XRCC4: variants seen among roughly 807,000 people sequenced by gnomAD.
XRCC4 encodes DNA repair protein XRCC4.
A neutral mutation model predicts 39.1 loss-of-function variants in XRCC4; 28 were observed. That is an observed-to-expected ratio of 0.72 (90% CI 0.53 to 0.98). The LOEUF is 0.98. XRCC4 is among the 50% of genes least tolerant of loss of function. The pLI, the probability that XRCC4 is intolerant of heterozygous loss-of-function variation, is 0.00. For synonymous variants in XRCC4, 123 were observed against 126.4 expected, an observed-to-expected ratio of 0.97 and a Z score of 0.18; for missense variants, 350 against 376.4, an observed-to-expected ratio of 0.93 and a Z score of 0.58.
chr5:83,247,267 A>G (rs1193695), intron 6 of XRCC4, among the ~76,000 whole-genome samples: 57,866 of 152,020 alleles, frequency 0.38, 11,397 homozygotes, highest in Middle Eastern at 0.55. Flanking sequence ...TGATGCCTTC[A>G]TCCATATCTT....
At chr5:83,372,709 C>T in the XRCC4 span, among the ~76,000 whole-genome samples, 4 of 152,166 alleles carry the variant, frequency 2.6e-5, no homozygotes, top group African/African-American at 9.7e-5. Context: ...TCTCAATCTA[C>T]AGACATTAAA....
intron 7 of XRCC4, among the ~76,000 whole-genome samples, chr5:83,342,202 G>C (rs563601027): frequency 1.5e-4 from 23 of 152,262 alleles, no homozygotes; most frequent in African/African-American, 5.3e-4. Flanking sequence ...TCTGAATAAA[G>C]TACAGCTAGA....
Position 83,268,108 on chromosome 5 carries a change from T to C in XRCC4, c.893+9431T>C, listed in dbSNP as rs187172853. ...TGGCAGTGAAGATAGGAAGATACTC[T>C]AGTAGTAATCCAGGAAGAGTTACCT... On this transcript the variant is annotated intron_variant, in intron 7 of 7. Transcript: ENST00000396027. Among the ~76,000 whole-genome samples, 547 of 152,284 alleles carry C rather than the reference T, an allele frequency of 3.6e-3. 12 individuals are homozygous for C. In the East Asian group the frequency reaches 0.072, roughly 20 times the overall value.
intron 7 of XRCC4, among the ~76,000 whole-genome samples, chr5:83,308,699 A>G (rs909079203): frequency 6.6e-6 from 1 of 152,210 alleles, no homozygotes. Flanking sequence ...AAATTAAAAT[A>G]ACAGTGAATA....
intron 1 of XRCC4, among the ~76,000 whole-genome samples, chr5:83,102,708 C>A (rs976923581): frequency 2.6e-5 from 4 of 152,020 alleles, no homozygotes; most frequent in African/African-American, 9.7e-5. Context: ...ACAACAGCTC[C>A]TTATCTGGCA....
At position 83,120,978 on chromosome 5, in the gene XRCC4, ACT is replaced by A. The variant is rs574126069; in HGVS notation, c.315+9776_315+9777del. ...CTCTTCACTCAGTCCCCAGAAAACC[ACT>A]GATTAGATTTCTGTCATTATAGATT... On this transcript the variant is annotated intron_variant, in intron 3 of 7. Coordinates refer to ENST00000396027, the MANE Select transcript of XRCC4 (RefSeq NM_003401.5). 4.5e-3 allele frequency among the ~76,000 whole-genome samples: 678 copies of A among 152,188 alleles called. 3 individuals are homozygous for A. Among genetic ancestry groups the A allele is most frequent in the Middle Eastern group, 0.01 (3 of 294 alleles).
At chr5:83,173,961 G>C (rs988862525) in intron 3 of XRCC4, among the ~76,000 whole-genome samples, 1 of 152,056 alleles carries the variant, frequency 6.6e-6, no homozygotes, top group Non-Finnish European at 1.5e-5. Flanking sequence ...ATCCAATTTA[G>C]CAATACCTGG....
intron 3 of XRCC4, among the ~76,000 whole-genome samples, chr5:83,167,384 A>G (rs752268329): frequency 2.6e-5 from 4 of 152,306 alleles, no homozygotes; most frequent in Non-Finnish European, 5.9e-5. Flanking sequence ...GTTGCATGAG[A>G]TTCTGACAGT....
At chr5:83,371,359 C>G in the XRCC4 span, among the ~76,000 whole-genome samples, 2 of 152,200 alleles carry the variant, frequency 1.3e-5, no homozygotes, top group African/African-American at 4.8e-5. Flanking sequence ...TTATCTCAGA[C>G]TGTCAGTTTA....
intron 7 of XRCC4, among the ~76,000 whole-genome samples, chr5:83,291,351 C>T (rs1290081096): frequency 1.3e-5 from 2 of 151,700 alleles, no homozygotes; most frequent in African/African-American, 4.8e-5. Flanking sequence ...TTGTATAATT[C>T]TATGTCACAA....
chr5:83,245,194 T>C (rs918426847), intron 6 of XRCC4, among the ~76,000 whole-genome samples: 4 of 151,910 alleles, frequency 2.6e-5, no homozygotes, highest in East Asian at 3.9e-4. Flanking sequence ...TTTCTGTATT[T>C]AATGAAAATA....
downstream of XRCC4, chr5:83,353,843 TG>T (rs1209773629): frequency 6.6e-6 from 1 of 152,208 alleles, no homozygotes; most frequent in Non-Finnish European, 1.5e-5. Context: ...TGCTTATTAA[TG>T]TAAATGTAAC....
At chr5:83,341,240 G>A (rs1207111237) in intron 7 of XRCC4, among the ~76,000 whole-genome samples, 1 of 151,008 alleles carries the variant, frequency 6.6e-6, no homozygotes, top group Non-Finnish European at 1.5e-5. Context: ...TTCAGCAAAA[G>A]TATCCCTCTC....
chr5:83,302,685 T>C (rs1183480005), intron 7 of XRCC4, among the ~76,000 whole-genome samples: 2 of 152,190 alleles, frequency 1.3e-5, no homozygotes, highest in Non-Finnish European at 2.9e-5. Context: ...AAAACAAAGA[T>C]TTTATTCACG....
chr5:83,371,804 C>T, the XRCC4 span, among the ~76,000 whole-genome samples: 1 of 152,104 alleles, frequency 6.6e-6, no homozygotes, highest in Non-Finnish European at 1.5e-5. Flanking sequence ...TGAAGAAATC[C>T]TTTGTAAGAA....
chr5:83,108,116 G>A (rs1229023868), intron 2 of XRCC4, among the ~76,000 whole-genome samples: 2 of 151,916 alleles, frequency 1.3e-5, no homozygotes, highest in East Asian at 3.9e-4. Flanking sequence ...GGTCATGTTG[G>A]GCTGCTCATG....
At chr5:83,241,504 G>A (rs1319352739) in intron 6 of XRCC4, among the ~76,000 whole-genome samples, 1 of 151,534 alleles carries the variant, frequency 6.6e-6, no homozygotes, top group Non-Finnish European at 1.5e-5. Context: ...CTTCTCGTTT[G>A]AGGAAAAAAG....
At chr5:83,183,412 T>TTGTGTGTG (rs369446374) in intron 3 of XRCC4, among the ~76,000 whole-genome samples, 2,109 of 139,400 alleles carry the variant, frequency 0.015, 30 homozygotes, top group Middle Eastern at 0.032. Context: ...TTTCATTTAT[T>TTGTGTGTG]TGTGTGTGTG....
intron 1 of XRCC4, among the ~76,000 whole-genome samples, chr5:83,097,305 T>C (rs933374811): frequency 6.6e-6 from 1 of 152,064 alleles, no homozygotes; most frequent in Non-Finnish European, 1.5e-5. Flanking sequence ...ATATAGTTCC[T>C]AAATAGTTTT....
Sources: allele counts gnomAD v4.1 joint callset (sites outside exome capture counted in the v4.1 genomes callset), GRCh38; gene constraint gnomAD v4.1.1; transcripts MANE v1.5; gene names NCBI Gene and HGNC (gene_info 2026-07-23, HGNC 2026-07-21).